Variants in G3BP2 observed in about 807,000 individuals in gnomAD.
The protein encoded by G3BP2 is G3BP stress granule assembly factor 2.
A neutral mutation model predicts 56.7 loss-of-function variants in G3BP2; 11 were observed. The observed-to-expected ratio is 0.19, with a 90% confidence interval of 0.12 to 0.32. The LOEUF is 0.32. G3BP2 is among the 10% of genes least tolerant of loss of function. G3BP2 has a pLI of 1.00. For missense variants in G3BP2, 340 were observed against 610.9 expected (o/e 0.56, Z 4.67); for synonymous variants, 165 against 191.6 (o/e 0.86, Z 1.15).
At chr4:75,714,749 G>C (rs1719874060) in intron 3 of G3BP2, among the ~76,000 whole-genome samples, 1 of 152,136 alleles carries the variant, frequency 6.6e-6, no homozygotes. Context: ...AATGGGAAAG[G>C]CACACTCATT....
At chr4:75,667,181 C>G (rs754696360) in intron 1 of G3BP2, among the ~76,000 whole-genome samples, 1 of 151,292 alleles carries the variant, frequency 6.6e-6, no homozygotes, top group Non-Finnish European at 1.5e-5. Flanking sequence ...TCCAGCTACT[C>G]GGGAAGCTGA....
rs765465830 is a variant in G3BP2 at position 75,656,972 on chromosome 4, G to A, written c.394C>T (p.Arg132Cys). The A allele has an allele frequency of 3.3e-6, 5 of 1,535,908 alleles. No homozygotes were observed. Among genetic ancestry groups the A allele is most frequent in the Admixed American group, 3.6e-5 (2 of 56,262 alleles). Residue 132 changes from arginine to cysteine, a missense_variant, in exon 5 of 12, where the codon CGT becomes TGT. Coordinates refer to ENST00000359707, the MANE Select transcript of G3BP2 (RefSeq NM_203505.3). The part of the protein sequence containing the change: ...NKFYVHNDMF[R>C]YEDEVFGDSE... ...TCACCAAACACTTCATCTTCATAAC[G>A]AAACATATCATTGTGAACATAAAAT... is the stretch of plus-strand genomic sequence containing the variant.
intron 1 of G3BP2, among the ~76,000 whole-genome samples, chr4:75,664,843 T>C (rs1299828662): frequency 1.3e-5 from 2 of 151,966 alleles, no homozygotes; most frequent in African/African-American, 2.4e-5. Context: ...AGTAAGACTC[T>C]GTCTCAAAAC....
chr4:75,706,368 T>C (rs28709419), intron 3 of G3BP2, among the ~76,000 whole-genome samples: 47,136 of 152,096 alleles, frequency 0.31, 8,774 homozygotes, highest in East Asian at 0.76. Context: ...GCCATGCTGC[T>C]CTATTGTACT....
chr4:75,655,204 A>G lies in G3BP2; in HGVS notation c.588T>C (p.Pro196=), dbSNP rs375559395. The change falls in exon 7 of 12, where the codon CCT becomes CCC. Residue 196 remains proline, a synonymous_variant. Coordinates refer to ENST00000359707, the MANE Select transcript of G3BP2 (RefSeq NM_203505.3). ...TTGTTTCAGATTCTGGCTCAGGTTC[A>G]GGTTCATGAGAGGATTCTTCCAAAG... ...EEPLEESSHE[P]EPEPESETKT... 3 of 1,613,572 alleles carry G rather than the reference A, an allele frequency of 1.9e-6. No homozygotes were observed. In the African/African-American group the frequency reaches 4.0e-5, roughly 22 times the overall value.
At chr4:75,645,792 G>T in intron 11 of G3BP2, 90 bp from the exon 12 acceptor site, 1 of 1,193,922 alleles carries the variant, frequency 8.4e-7, no homozygotes, top group Non-Finnish European at 1.2e-6. Flanking sequence ...ATAAGCATAA[G>T]GAATAAAACA....
chr4:75,689,767 T>C (rs1278733674), intron 3 of G3BP2, among the ~76,000 whole-genome samples: 1 of 152,220 alleles, frequency 6.6e-6, no homozygotes, highest in Non-Finnish European at 1.5e-5. Context: ...GCAAATTTAA[T>C]ACCATCAAAG....
chr4:75,659,018 C>G (rs957149199), intron 2 of G3BP2, 94 bp from the exon 3 acceptor site: 2 of 921,648 alleles, frequency 2.2e-6, no homozygotes, highest in Non-Finnish European at 1.8e-6. Context: ...GGATCCCGCT[C>G]TGTCACTAAT....
At chr4:75,660,775 A>G (rs1732490410) in intron 2 of G3BP2, among the ~76,000 whole-genome samples, 1 of 152,208 alleles carries the variant, frequency 6.6e-6, no homozygotes, top group Admixed American at 6.5e-5. Flanking sequence ...CCATCTGGCC[A>G]GTGTGTTCTG....
chr4:75,711,213 G>T (rs1021536336), intron 3 of G3BP2, among the ~76,000 whole-genome samples: 1 of 151,736 alleles, frequency 6.6e-6, no homozygotes, highest in African/African-American at 2.4e-5. Flanking sequence ...CAGCTACTTG[G>T]GAGGCTGAGG....
intron 2 of G3BP2, among the ~76,000 whole-genome samples, chr4:75,660,476 C>T (rs1273294123): frequency 6.6e-6 from 1 of 152,006 alleles, no homozygotes; most frequent in Non-Finnish European, 1.5e-5. Context: ...ACTGAGTGAT[C>T]CTAGATGAAT....
At chr4:75,648,319 G>A (rs1731387810) in intron 9 of G3BP2, among the ~76,000 whole-genome samples, 1 of 143,738 alleles carries the variant, frequency 7.0e-6, no homozygotes, top group African/African-American at 2.6e-5. Context: ...TTGTACTCCA[G>A]CCTGGCGACA....
intron 3 of G3BP2, among the ~76,000 whole-genome samples, chr4:75,712,748 A>G (rs574657428): frequency 1.9e-4 from 29 of 152,294 alleles, no homozygotes; most frequent in Non-Finnish European, 4.1e-4. Flanking sequence ...CCAAATAGAA[A>G]GAAATTTGAA....
In G3BP2 at chr4:75,710,166, T is replaced by C. The variant is rs111991357; in HGVS notation, c.-25+10711A>G. Among the ~76,000 whole-genome samples the C allele has an allele frequency of 7.2e-5, 11 of 152,314 alleles. 2 individuals are homozygous for C. Among genetic ancestry groups the C allele is most frequent in the African/African-American group, 2.6e-4 (11 of 41,564 alleles). On this transcript the variant is annotated intron_variant, in intron 3 of 3. Transcript: ENST00000499709. ...TTTCTAGGGACAGAGTCTCACTATG[T>C]TACCAAAGCTGGTCTTGAATTCCTG...
chr4:75,648,673 T>C lies in G3BP2; in HGVS notation c.894A>G (p.Glu298=), dbSNP rs1323407836. 2 of 1,610,648 alleles carry C rather than the reference T, an allele frequency of 1.2e-6. No homozygotes were observed. Among genetic ancestry groups the C allele is most frequent in the African/African-American group, 1.3e-5 (1 of 74,876 alleles). Residue 298 remains glutamate, a synonymous_variant, in exon 9 of 12, where the codon GAA becomes GAG. Transcript: ENST00000359707. ...GTCCTCTAGGAGGAAAACCAGGTCG[T>C]TCTCTAGGTCGTTGTTCACGCACAC... is the stretch of plus-strand genomic sequence containing the variant. ...PPRVREQRPR[E]RPGFPPRGPR...
intron 3 of G3BP2, among the ~76,000 whole-genome samples, chr4:75,684,775 CTG>C (rs1718511176): frequency 6.6e-6 from 1 of 151,390 alleles, no homozygotes; most frequent in African/African-American, 2.4e-5. Flanking sequence ...CATGAACATT[CTG>C]TATACATGTA....
At chr4:75,714,662 G>A (rs976922150) in intron 3 of G3BP2, among the ~76,000 whole-genome samples, 1 of 152,004 alleles carries the variant, frequency 6.6e-6, no homozygotes, top group African/African-American at 2.4e-5. Context: ...AAAGCAAATG[G>A]GGTAAAAAGG....
chr4:75,711,886 A>G (rs1381538256), intron 3 of G3BP2, among the ~76,000 whole-genome samples: 1 of 152,118 alleles, frequency 6.6e-6, no homozygotes, highest in East Asian at 1.9e-4. Context: ...GTTCCAGATG[A>G]CATTTCTCTT....
rs1275582130 is a variant in G3BP2 at position 75,658,824 on chromosome 4, A to G, written c.177+19T>C. ...TCTTAACACAAAATTTCTAAACTAC[A>G]TATGAAATTGATACTTACATTTTGG... On this transcript the variant is annotated intron_variant, in intron 3 of 11. Transcript: ENST00000359707. 1.3e-5 allele frequency: 19 copies of G among 1,467,634 alleles called. No individual in the cohort carries two copies. Among genetic ancestry groups the G allele is most frequent in the Non-Finnish European group, 1.5e-5 (16 of 1,046,078 alleles). The allele number at this position is 1,467,634 out of a possible 1,614,324, so 90.9% of individuals were successfully genotyped here.
Sources: allele counts gnomAD v4.1 joint callset (sites outside exome capture counted in the v4.1 genomes callset), GRCh38; gene constraint gnomAD v4.1.1; transcripts MANE v1.5; gene names NCBI Gene and HGNC (gene_info 2026-07-23, HGNC 2026-07-21).